The following APLF variants were observed in gnomAD, a reference collection of about 807,000 sequenced individuals.
The protein encoded by APLF is aprataxin and PNKP like factor.
Under a neutral mutation model 55.6 loss-of-function variants are expected in APLF, and 61 were observed. The ratio of observed to expected loss-of-function variants is 1.10; its 90% confidence interval spans 0.89 to 1.36. APLF has a LOEUF of 1.36. APLF is among the 40% of genes most tolerant of loss of function. The pLI, the probability that APLF is intolerant of heterozygous loss-of-function variation, is 0.00. For synonymous variants in APLF, 207 were observed against 214.8 expected, an observed-to-expected ratio of 0.96 and a Z score of 0.32; for missense variants, 611 against 602.5, an observed-to-expected ratio of 1.01 and a Z score of -0.15.
chr2:68,498,270 T>C (rs1425433713), intron 2 of APLF, among the ~76,000 whole-genome samples: 2 of 152,182 alleles, frequency 1.3e-5, no homozygotes, highest in Non-Finnish European at 2.9e-5. Flanking sequence ...GAGGGAAATT[T>C]TAGTTAAAAA....
At chr2:68,526,467 G>A (rs1489743706) in intron 6 of APLF, among the ~76,000 whole-genome samples, 2 of 152,204 alleles carry the variant, frequency 1.3e-5, no homozygotes, top group Non-Finnish European at 1.5e-5. Context: ...CCGCCACGGA[G>A]CAGTGGGTTC....
chr2:68,530,866 A>G (rs1417865195), intron 6 of APLF, among the ~76,000 whole-genome samples: 1 of 151,998 alleles, frequency 6.6e-6, no homozygotes, highest in Non-Finnish European at 1.5e-5. Flanking sequence ...TATTATTAAA[A>G]GGCAAGAAGT....
At position 68,538,170 on chromosome 2, in the gene APLF, G is replaced by T; in HGVS notation, c.1103G>T (p.Gly368Val). Reference protein sequence around the residue: ...HAKATDSVLQGSEGNKVKRTS... With the variant: ...HAKATDSVLQVSEGNKVKRTS... ...AAGGCAACTGATTCAGTTCTACAAG[G>T]TTCTGAAGGAAACAAGGTCAAGAGG... Residue 368 changes from glycine to valine, a missense_variant, in exon 7 of 10, where the codon GGT becomes GTT. Coordinates refer to ENST00000303795, the MANE Select transcript of APLF (RefSeq NM_173545.3). 2 of 1,613,508 alleles carry T rather than the reference G, an allele frequency of 1.2e-6. No homozygotes were observed. Among genetic ancestry groups the T allele is most frequent in the Non-Finnish European group, 1.7e-6 (2 of 1,179,834 alleles).
chr2:68,566,327 A>C (rs542328634), intron 8 of APLF, among the ~76,000 whole-genome samples: 1 of 152,236 alleles, frequency 6.6e-6, no homozygotes, highest in Non-Finnish European at 1.5e-5. Flanking sequence ...CTATCTTCAC[A>C]GAAGATGTTC....
intron 1 of APLF, among the ~76,000 whole-genome samples, chr2:68,484,126 C>T (rs1450204005): frequency 6.6e-6 from 1 of 151,954 alleles, no homozygotes; most frequent in East Asian, 1.9e-4. Context: ...AGAAAATCTC[C>T]ATTTTGTTTG....
At chr2:68,491,196 T>C (rs1440772677) in intron 2 of APLF, among the ~76,000 whole-genome samples, 1 of 152,208 alleles carries the variant, frequency 6.6e-6, no homozygotes, top group Non-Finnish European at 1.5e-5. Context: ...TTCTGCATTA[T>C]CTTATTGTCT....
At chr2:68,558,694 G>T (rs1207809327) in intron 8 of APLF, among the ~76,000 whole-genome samples, 1 of 151,976 alleles carries the variant, frequency 6.6e-6, no homozygotes. Context: ...TGTTACATAG[G>T]TAAACATTTG....
At chr2:68,525,781 G>A (rs1299141296) in intron 5 of APLF, among the ~76,000 whole-genome samples, 2 of 106,206 alleles carry the variant, frequency 1.9e-5, no homozygotes, top group Admixed American at 1.3e-4. Flanking sequence ...ACAGAGGCTC[G>A]CTCTGTCACC....
intron 8 of APLF, among the ~76,000 whole-genome samples, chr2:68,559,050 A>G (rs1573263426): frequency 2.0e-5 from 3 of 152,182 alleles, no homozygotes; most frequent in South Asian, 4.1e-4. Context: ...ACAAAGTGAT[A>G]AAGTGTTTTT....
chr2:68,496,031 A>AT (rs2103919534), intron 2 of APLF, among the ~76,000 whole-genome samples: 1 of 152,350 alleles, frequency 6.6e-6, no homozygotes, highest in Non-Finnish European at 1.5e-5. Flanking sequence ...AGGGGCTGCC[A>AT]TGAAGGTCTC....
In APLF at chr2:68,502,868, T is replaced by C. The variant is rs759770411; in HGVS notation, c.306T>C (p.Ser102=). The change falls in exon 3 of 10, where the codon TCT becomes TCC. Residue 102 remains serine, a synonymous_variant. Transcript: ENST00000303795. ...ACAAATACATTTTCCGCATTCTCTC[T>C]ATACCCTCTGAAGTGGAAATGCAAT... The part of the protein sequence containing the change: ...LVDKYIFRIL[S]IPSEVEMQCT... 4 of 1,606,646 alleles carry C rather than the reference T, an allele frequency of 2.5e-6. No homozygotes were observed. The highest frequency in any genetic ancestry group is 2.5e-6 in the Non-Finnish European group (3 of 1,177,530).
chr2:68,553,488 T>C (rs1670921602), intron 8 of APLF, among the ~76,000 whole-genome samples: 2 of 152,120 alleles, frequency 1.3e-5, no homozygotes, highest in African/African-American at 4.8e-5. Context: ...ATATTATTTT[T>C]ATTAGCTATA....
At chr2:68,491,959 A>G (rs1676376926) in intron 2 of APLF, among the ~76,000 whole-genome samples, 1 of 152,250 alleles carries the variant, frequency 6.6e-6, no homozygotes, top group South Asian at 2.1e-4. Context: ...CAAAATTGAC[A>G]TGGCATTAAA....
At chr2:68,520,448 G>A (rs937849585) in intron 5 of APLF, among the ~76,000 whole-genome samples, 1 of 151,906 alleles carries the variant, frequency 6.6e-6, no homozygotes, top group African/African-American at 2.4e-5. Context: ...ATGGTTTCAG[G>A]TCTTAGATTT....
chr2:68,575,580 G>C (rs1367446949), intron 9 of APLF, among the ~76,000 whole-genome samples: 1 of 151,956 alleles, frequency 6.6e-6, no homozygotes, highest in Non-Finnish European at 1.5e-5. Context: ...CAGGGCATTA[G>C]AGTGGATGTG....
Position 68,513,654 on chromosome 2 carries a change from A to G in APLF, c.596A>G (p.Asn199Ser). ...WMLAEHLSDQ[N>S]LSVPAISGGN... ...TTAGCAGAACATTTAAGTGATCAAA[A>G]CCTTTCAGTACCAGCAATCAGTGGA... Residue 199 changes from asparagine to serine, a missense_variant, in exon 5 of 10, where the codon AAC (asparagine) becomes AGC (serine). Asn to Ser is a conservative substitution (Grantham distance 46). Transcript: ENST00000303795. 6.2e-7 allele frequency: 1 copy of G among 1,611,160 alleles called. No homozygotes were observed. Among genetic ancestry groups the G allele is most frequent in the Non-Finnish European group, 8.5e-7 (1 of 1,178,072 alleles).
intron 6 of APLF, among the ~76,000 whole-genome samples, chr2:68,530,134 C>A (rs1670209440): frequency 6.6e-6 from 1 of 152,250 alleles, no homozygotes; most frequent in Non-Finnish European, 1.5e-5. Flanking sequence ...TTCCTCAGGT[C>A]ATTCAGGTGG....
intron 8 of APLF, among the ~76,000 whole-genome samples, chr2:68,560,834 G>A (rs1671148152): frequency 6.6e-6 from 1 of 152,100 alleles, no homozygotes. Context: ...ATTTGGCATT[G>A]CCCTTGAAAG....
intron 3 of APLF, among the ~76,000 whole-genome samples, chr2:68,510,080 A>AG (rs1339267526): frequency 0.017 from 1,276 of 73,242 alleles, 33 homozygotes; most frequent in African/African-American, 0.062. Flanking sequence ...GAGTGGGGGG[A>AG]GGGGGGAGGG....
Sources: gnomAD v4.1 joint callset for allele counts (sites outside exome capture counted in the v4.1 genomes callset) on GRCh38, gnomAD v4.1.1 for gene constraint, MANE v1.5 for transcripts, NCBI Gene and HGNC (gene_info 2026-07-23, HGNC 2026-07-21) for gene names.